GORASP2: variants seen among roughly 807,000 people sequenced by gnomAD.
GORASP2 encodes the protein Golgi reassembly-stacking protein 2.
In GORASP2, 22 loss-of-function variants were observed where a neutral mutation model predicts 45.7. The observed-to-expected ratio is 0.48, with a 90% CI of 0.34 to 0.69. GORASP2 has a LOEUF of 0.69. Ranked by LOEUF, GORASP2 falls within the 30% of genes least tolerant of loss-of-function variation. GORASP2 has a pLI of 0.01. For missense variants in GORASP2, 491 were observed against 562.7 expected (o/e 0.87, Z 1.29); for synonymous variants, 221 against 215.6 (o/e 1.02, Z -0.22).
intron 1 of GORASP2, among the ~76,000 whole-genome samples, chr2:170,935,671 C>G (rs1703932482): frequency 6.6e-6 from 1 of 151,434 alleles, no homozygotes; most frequent in Non-Finnish European, 1.5e-5. Context: ...CTCCCAGGCT[C>G]AAGTGATCCT....
chr2:170,949,020 C>T (rs1024595410), intron 2 of GORASP2, among the ~76,000 whole-genome samples: 23 of 152,116 alleles, frequency 1.5e-4, no homozygotes, highest in African/African-American at 5.3e-4. Context: ...AGTTTTCGTT[C>T]ATTACTTACA....
At chr2:170,961,610 A>G in intron 7 of GORASP2, 53 bp from the exon 8 acceptor site, 1 of 973,216 alleles carries the variant, frequency 1.0e-6, no homozygotes. Flanking sequence ...TGTTCTGTTC[A>G]TTTCTTGTCG....
intron 7 of GORASP2, among the ~76,000 whole-genome samples, chr2:170,958,303 A>G (rs909869189): frequency 6.6e-6 from 1 of 152,210 alleles, no homozygotes. Context: ...TAATTTGCCT[A>G]CCATAAATTA....
At chr2:170,947,011 C>T (rs1704193768) in intron 1 of GORASP2, among the ~76,000 whole-genome samples, 1 of 152,046 alleles carries the variant, frequency 6.6e-6, no homozygotes, top group Non-Finnish European at 1.5e-5. Flanking sequence ...GAATCATAAG[C>T]AAGACATGGT....
intron 7 of GORASP2, 75 bp from the exon 8 acceptor site, chr2:170,961,588 A>T: frequency 1.2e-6 from 1 of 837,968 alleles, no homozygotes; most frequent in Non-Finnish European, 2.1e-6. Context: ...GGGACTGCAG[A>T]TTGTCCTAAT....
chr2:170,961,773 G>T (rs781192448), intron 8 of GORASP2, 24 bp downstream of exon 8: 5 of 1,125,772 alleles, frequency 4.4e-6, no homozygotes, highest in Non-Finnish European at 6.8e-6. Context: ...GACTAGAGAT[G>T]TGGCTGATAA....
chr2:170,928,968 G>A (rs1703744217), upstream of GORASP2: 1 of 198,534 alleles, frequency 5.0e-6, no homozygotes, highest in African/African-American at 2.3e-5. Flanking sequence ...TTTCAGGCGA[G>A]CGGGAACGCG....
intron 5 of GORASP2, among the ~76,000 whole-genome samples, chr2:170,953,645 T>G (rs1704354269): frequency 6.6e-6 from 1 of 152,180 alleles, no homozygotes; most frequent in Non-Finnish European, 1.5e-5. Flanking sequence ...AGTAAGGGGT[T>G]TTGGGTTCAA....
chr2:170,945,502 A>G (rs984298464), intron 1 of GORASP2, among the ~76,000 whole-genome samples: 3 of 26,452 alleles, frequency 1.1e-4, no homozygotes, highest in African/African-American at 2.1e-4. Flanking sequence ...ACCTTGTCTC[A>G]AAAAAAAAAA....
intron 1 of GORASP2, among the ~76,000 whole-genome samples, chr2:170,939,404 C>G (rs1450386104): frequency 6.6e-6 from 1 of 151,730 alleles, no homozygotes; most frequent in Non-Finnish European, 1.5e-5. Flanking sequence ...ACATTTGTGT[C>G]AAGACCCAAA....
intron 1 of GORASP2, among the ~76,000 whole-genome samples, chr2:170,947,555 T>G (rs1361102772): frequency 6.6e-6 from 1 of 152,236 alleles, no homozygotes; most frequent in East Asian, 1.9e-4. Flanking sequence ...TTATAGTGAT[T>G]AGAGGGCTGT....
intron 8 of GORASP2, 91 bp downstream of exon 8, chr2:170,961,840 G>A (rs1172929056): frequency 1.2e-5 from 10 of 805,706 alleles, no homozygotes; most frequent in Non-Finnish European, 2.0e-5. Context: ...ATACCTGTGT[G>A]GTAACTTTTT....
chr2:170,929,182 G>C (rs1158386672), upstream of GORASP2: 1 of 495,978 alleles, frequency 2.0e-6, no homozygotes, highest in Non-Finnish European at 3.2e-6. Context: ...CAGCGGCCCG[G>C]GCTGCAGCAG....
chr2:170,954,657 T>A lies in GORASP2; in HGVS notation c.574T>A (p.Cys192Ser). 1 of 1,612,004 alleles carries A rather than the reference T, an allele frequency of 6.2e-7. No individual in the cohort carries two copies. Among genetic ancestry groups the A allele is most frequent in the Non-Finnish European group, 8.5e-7 (1 of 1,178,920 alleles). The change falls in exon 6 of 10, where the codon TGT becomes AGT. Residue 192 changes from cysteine to serine, a missense_variant. Cys to Ser is a moderately radical substitution (Grantham distance 112). This residue lies in a region of GORASP2 where 194 missense variants were observed against 270.4 expected (regional missense o/e 0.72). Coordinates refer to ENST00000234160, the MANE Select transcript of GORASP2 (RefSeq NM_015530.5). ...SAWGGEGSLG[C>S]GIGYGYLHRI... The stretch of plus-strand genomic sequence containing the variant: ...AAAAAAATGTTTTTATAGCCTAGGA[T>A]GTGGCATTGGATATGGTTATTTGCA...
intron 1 of GORASP2, among the ~76,000 whole-genome samples, chr2:170,932,456 C>G (rs1703847602): frequency 6.6e-6 from 1 of 152,212 alleles, no homozygotes; most frequent in Admixed American, 6.5e-5. Context: ...ATTTGGTTAT[C>G]TAGTCTTCTG....
intron 4 of GORASP2, 121 bp from the exon 5 acceptor site, chr2:170,951,207 G>A: frequency 3.0e-6 from 2 of 674,888 alleles, no homozygotes; most frequent in Non-Finnish European, 4.9e-6. Flanking sequence ...TATGTCTGGG[G>A]CAGGGCCCAG....
At chr2:170,949,461 C>T in intron 2 of GORASP2, 78 bp from the exon 3 acceptor site, 1 of 903,752 alleles carries the variant, frequency 1.1e-6, no homozygotes, top group South Asian at 1.5e-5. Flanking sequence ...ATTAATATTA[C>T]TCTTATAGGG....
At chr2:170,938,967 T>C (rs2105313928) in intron 1 of GORASP2, among the ~76,000 whole-genome samples, 1 of 152,180 alleles carries the variant, frequency 6.6e-6, no homozygotes, top group Non-Finnish European at 1.5e-5. Flanking sequence ...TACTCCAACC[T>C]GGGAACAAGA....
At chr2:170,929,775 T>C (rs1287912599) in intron 1 of GORASP2, 8 of 489,740 alleles carry the variant, frequency 1.6e-5, no homozygotes, top group Admixed American at 9.3e-5. Context: ...AGGCAACGTC[T>C]CCAAAGTGGT....
Sources: allele counts gnomAD v4.1 joint callset (sites outside exome capture counted in the v4.1 genomes callset), GRCh38; gene constraint gnomAD v4.1.1; regional missense constraint gnomAD v4.1.1; transcripts MANE v1.5; gene names NCBI Gene and HGNC (gene_info 2026-07-23, HGNC 2026-07-21).